Variants in MAOB observed in about 807,000 individuals in gnomAD.
MAOB encodes monoamine oxidase B, also known as amine oxidase [flavin-containing] B.
A neutral mutation model predicts 41.9 loss-of-function variants in MAOB; 15 were observed. The observed-to-expected ratio is 0.36, with a 90% confidence interval of 0.24 to 0.55. The LOEUF (loss-of-function observed/expected upper bound fraction) is 0.55. MAOB is among the 20% of genes least tolerant of loss of function. The pLI, the probability that MAOB is intolerant of heterozygous loss-of-function variation, is 0.86. For synonymous variants in MAOB, 167 were observed against 144.2 expected, an observed-to-expected ratio of 1.16 and a Z score of -1.13; for missense variants, 345 against 398.7, an observed-to-expected ratio of 0.87 and a Z score of 1.15.
chrX:43,824,424 C>T (rs1010954831), intron 3 of MAOB, among the ~76,000 whole-genome samples: 6 of 112,380 alleles, frequency 5.3e-5, no homozygotes, highest in African/African-American at 1.9e-4. Context: ...TGGCTCACAC[C>T]TGTAATTCTA....
chrX:43,820,146 CTT>C (rs768699017), intron 3 of MAOB, among the ~76,000 whole-genome samples: 3 of 112,019 alleles, frequency 2.7e-5, no homozygotes, highest in Non-Finnish European at 5.6e-5. Context: ...ATATTGAAAT[CTT>C]GTCTTCCATG....
chrX:43,869,299 C>T (rs1248459916), intron 1 of MAOB, among the ~76,000 whole-genome samples: 2 of 111,737 alleles, frequency 1.8e-5, no homozygotes, highest in Non-Finnish European at 3.8e-5. Context: ...TTTGTACACC[C>T]TCTGACTTTT....
chrX:43,871,308 G>C (rs1000629258), intron 1 of MAOB, among the ~76,000 whole-genome samples: 1 of 111,269 alleles, frequency 9.0e-6, no homozygotes, highest in African/African-American at 3.3e-5. Flanking sequence ...ACTATACAAA[G>C]AGTGAAAGTG....
intron 3 of MAOB, among the ~76,000 whole-genome samples, chrX:43,835,825 T>C (rs774532112): frequency 1.1e-4 from 12 of 111,915 alleles, no homozygotes; most frequent in Non-Finnish European, 2.1e-4. Flanking sequence ...CCTTCCCCTT[T>C]TCTGGGTAGC....
In MAOB at chrX:43,857,161, AG is replaced by A. The variant is rs1394234097; in HGVS notation, c.47-13398del. Among the ~76,000 whole-genome samples, 80 of 55,556 alleles carry A rather than the reference AG, an allele frequency of 1.4e-3. 2 individuals carry two copies. In the South Asian group the frequency reaches 0.017, roughly 12 times the overall value. The allele number at this position is 55,556 out of a possible 115,157, so 48.2% of individuals were successfully genotyped here. ...GAGAGAGAGAGAGAGAGAGAGAGAG[AG>A]AGAAGAAGAGAGAGAGAGAGAGAGA... On this transcript the variant is annotated intron_variant, in intron 1 of 14. Coordinates refer to ENST00000378069, the MANE Select transcript of MAOB (RefSeq NM_000898.5).
intron 8 of MAOB, among the ~76,000 whole-genome samples, chrX:43,788,477 C>T (rs2034426565): frequency 8.9e-6 from 1 of 112,086 alleles, no homozygotes; most frequent in Non-Finnish European, 1.9e-5. Flanking sequence ...TTCCATCCTA[C>T]AGCATTTATC....
At chrX:43,881,228 T>A (rs1042243810) in intron 1 of MAOB, among the ~76,000 whole-genome samples, 3 of 111,898 alleles carry the variant, frequency 2.7e-5, no homozygotes, top group African/African-American at 6.5e-5. Flanking sequence ...CACAGGAGAG[T>A]CAGAACAACT....
chrX:43,773,556 C>A (rs892780926), intron 12 of MAOB, among the ~76,000 whole-genome samples: 3 of 112,521 alleles, frequency 2.7e-5, no homozygotes, highest in Non-Finnish European at 5.6e-5. Context: ...ATATTCTACA[C>A]TCAGTGATAC....
intron 8 of MAOB, among the ~76,000 whole-genome samples, chrX:43,792,154 A>T (rs949777395): frequency 4.5e-5 from 5 of 112,351 alleles, no homozygotes; most frequent in African/African-American, 1.6e-4. Flanking sequence ...TTATTGATTT[A>T]CAAAGAGTTG....
intron 8 of MAOB, among the ~76,000 whole-genome samples, chrX:43,792,744 T>A (rs1051246529): frequency 6.2e-5 from 7 of 112,007 alleles, no homozygotes; most frequent in African/African-American, 2.3e-4. Context: ...TGTAAATTAG[T>A]TAAGCCACTG....
chrX:43,859,904 C>A (rs945497291), intron 1 of MAOB, among the ~76,000 whole-genome samples: 1 of 111,906 alleles, frequency 8.9e-6, no homozygotes, highest in African/African-American at 3.2e-5. Flanking sequence ...CTCTATTTCC[C>A]CAACTCACTC....
intron 2 of MAOB, among the ~76,000 whole-genome samples, chrX:43,839,469 T>C (rs573305039): frequency 1.3e-4 from 15 of 112,308 alleles, no homozygotes; most frequent in African/African-American, 4.8e-4. Context: ...GAAATTGCTT[T>C]TATGTTTAAT....
intron 8 of MAOB, among the ~76,000 whole-genome samples, chrX:43,784,061 T>A (rs1025295439): frequency 8.9e-6 from 1 of 111,999 alleles, no homozygotes; most frequent in Non-Finnish European, 1.9e-5. Context: ...TGGCAGCAAT[T>A]CACTCACATC....
chrX:43,803,372 T>A lies in MAOB; in HGVS notation c.312A>T (p.Pro104=), dbSNP rs1192255359. 1 of 1,174,594 alleles carries A rather than the reference T, an allele frequency of 8.5e-7. No individual in the cohort carries two copies. The highest frequency in any genetic ancestry group is 1.1e-6 in the Non-Finnish European group (1 of 882,606). ...GKSYPFRGPF[P]PVWNPITYLD... is the part of the protein sequence containing the mutation. The stretch of plus-strand genomic sequence containing the variant: ...AGTAGGTAATTGGATTCCATACAGG[T>A]GGGAATGGCCCCCTGAAGGGGTATG... The change falls in exon 4 of 15, where the codon CCA becomes CCT. Residue 104 remains proline (P), a synonymous_variant. Coordinates refer to ENST00000378069, the MANE Select transcript of MAOB (RefSeq NM_000898.5).
chrX:43,767,704 G>T (rs2034129222), intron 14 of MAOB, 86 bp from the exon 15 acceptor site: 1 of 923,012 alleles, frequency 1.1e-6, no homozygotes, highest in Admixed American at 2.7e-5. Flanking sequence ...CTCTGAACAT[G>T]ACCCATTCTT....
intron 8 of MAOB, among the ~76,000 whole-genome samples, chrX:43,792,305 T>A (rs1461869597): frequency 1.1e-4 from 12 of 111,948 alleles, no homozygotes; most frequent in Non-Finnish European, 1.9e-4. Context: ...CTTTAAGTTT[T>A]CAAAAGCAAT....
intron 1 of MAOB, among the ~76,000 whole-genome samples, chrX:43,879,310 AG>A (rs775923386): frequency 8.0e-5 from 9 of 112,694 alleles, no homozygotes; most frequent in African/African-American, 2.9e-4. Context: ...TTTATCCCAA[AG>A]GGAGTGATTA....
chrX:43,775,600 T>C (rs1039926207), intron 11 of MAOB, among the ~76,000 whole-genome samples: 1 of 111,924 alleles, frequency 8.9e-6, no homozygotes, highest in Non-Finnish European at 1.9e-5. Context: ...CAAGAAAAGT[T>C]TTTAAAAGGA....
At position 43,868,599 on chromosome X, in the gene MAOB, TA is replaced by T. The variant is rs967717282; in HGVS notation, c.46+13654del. On this transcript the variant is annotated intron_variant, in intron 1 of 14. Transcript: ENST00000378069. The stretch of plus-strand genomic sequence containing the variant: ...GTGTGCAGCCCAATTTCTGATAACA[TA>T]AAAGGCAAGTATGATATTTTACTTA... Among the ~76,000 whole-genome samples, 5 of 111,104 alleles carry T rather than the reference TA, an allele frequency of 4.5e-5. No homozygotes were observed. The Admixed American group carries it at 4.8e-4, about 11-fold the overall frequency.
Sources: gnomAD v4.1 joint callset for allele counts (sites outside exome capture counted in the v4.1 genomes callset) on GRCh38, gnomAD v4.1.1 for gene constraint, MANE v1.5 for transcripts, NCBI Gene and HGNC (gene_info 2026-07-23, HGNC 2026-07-21) for gene names.